The following ROBO1 variants were observed in gnomAD, a reference collection of about 807,000 sequenced individuals.
The protein encoded by ROBO1 is roundabout homolog 1.
Under a neutral mutation model 195.9 loss-of-function variants are expected in ROBO1, and 149 were observed. The ratio of observed to expected loss-of-function variants is 0.76; its 90% CI spans 0.67 to 0.87. ROBO1 has a LOEUF of 0.87. ROBO1 is among the 40% of genes least tolerant of loss of function. The pLI, the probability that ROBO1 is intolerant of heterozygous loss-of-function variation, is 0.00. For synonymous variants in ROBO1, 816 were observed against 733.2 expected, an observed-to-expected ratio of 1.11 and a Z score of -1.82; for missense variants, 1,933 against 2,068.3, an observed-to-expected ratio of 0.93 and a Z score of 1.27.
intron 2 of ROBO1, among the ~76,000 whole-genome samples, chr3:79,260,106 A>AC (rs1368822122): frequency 4.7e-5 from 7 of 150,334 alleles, no homozygotes; most frequent in African/African-American, 1.5e-4. Context: ...ACACACACAC[A>AC]AATATATATA....
chr3:78,940,681 C>A (rs550987693), intron 3 of ROBO1, among the ~76,000 whole-genome samples: 1 of 152,140 alleles, frequency 6.6e-6, no homozygotes, highest in Admixed American at 6.6e-5. Flanking sequence ...TTTTATAAAC[C>A]GAAATAGCAC....
chr3:79,332,421 T>C (rs2034485884), intron 2 of ROBO1, among the ~76,000 whole-genome samples: 1 of 152,196 alleles, frequency 6.6e-6, no homozygotes, highest in South Asian at 2.1e-4. Flanking sequence ...TGTTGAACAT[T>C]CATTGCTTGC....
chr3:79,730,637 T>G (rs565693356), intron 1 of ROBO1, among the ~76,000 whole-genome samples: 3 of 152,240 alleles, frequency 2.0e-5, no homozygotes, highest in African/African-American at 7.2e-5. Flanking sequence ...TTCATTTCAT[T>G]AGACTTAATA....
intron 2 of ROBO1, among the ~76,000 whole-genome samples, chr3:79,421,489 G>A (rs997980247): frequency 6.6e-6 from 1 of 152,090 alleles, no homozygotes; most frequent in Non-Finnish European, 1.5e-5. Flanking sequence ...GTGAGAGGCC[G>A]TGTGGGGAAG....
chr3:78,727,906 A>G (rs957695463), intron 5 of ROBO1, among the ~76,000 whole-genome samples: 4 of 152,012 alleles, frequency 2.6e-5, no homozygotes, highest in African/African-American at 9.7e-5. Flanking sequence ...ATAAACATGT[A>G]TATTTTATAT....
chr3:79,252,580 C>T (rs1040034946), intron 2 of ROBO1, among the ~76,000 whole-genome samples: 13 of 152,118 alleles, frequency 8.5e-5, no homozygotes, highest in Admixed American at 5.9e-4. Flanking sequence ...GTTAAAGCCA[C>T]CCAGTTTGTG....
At chr3:79,693,018 T>A (rs1947339309) in intron 1 of ROBO1, among the ~76,000 whole-genome samples, 1 of 151,800 alleles carries the variant, frequency 6.6e-6, no homozygotes, top group Non-Finnish European at 1.5e-5. Context: ...TAAGGTCAGG[T>A]GCATGTTGGT....
chr3:78,766,936 GTT>G (rs1247787460), intron 4 of ROBO1, among the ~76,000 whole-genome samples: 2 of 152,136 alleles, frequency 1.3e-5, no homozygotes, highest in Admixed American at 1.3e-4. Flanking sequence ...GCTTGCATAT[GTT>G]AAGCCATCCC....
At chr3:79,731,849 A>C (rs2107358552) in intron 1 of ROBO1, among the ~76,000 whole-genome samples, 1 of 152,268 alleles carries the variant, frequency 6.6e-6, no homozygotes, top group Admixed American at 6.5e-5. Context: ...TTGGGAAGTA[A>C]GTTTGTAGGT....
intron 2 of ROBO1, among the ~76,000 whole-genome samples, chr3:79,395,257 G>C (rs982987686): frequency 2.8e-4 from 41 of 147,148 alleles, no homozygotes; most frequent in African/African-American, 9.9e-4. Flanking sequence ...GGGAGGCAGA[G>C]CTTGCAGTGA....
At chr3:79,670,043 T>C (rs1273409900) in intron 1 of ROBO1, among the ~76,000 whole-genome samples, 1 of 151,876 alleles carries the variant, frequency 6.6e-6, no homozygotes, top group Admixed American at 6.6e-5. Context: ...AACTCGTCAA[T>C]ATTTGAACAA....
At chr3:79,033,939 C>T (rs2078338956) in intron 3 of ROBO1, among the ~76,000 whole-genome samples, 2 of 152,074 alleles carry the variant, frequency 1.3e-5, no homozygotes, top group Non-Finnish European at 2.9e-5. Flanking sequence ...GTGTCTATTA[C>T]AAATCAGGAG....
chr3:79,356,919 T>C (rs553886437), intron 2 of ROBO1, among the ~76,000 whole-genome samples: 1 of 152,284 alleles, frequency 6.6e-6, no homozygotes, highest in East Asian at 1.9e-4. Flanking sequence ...ATTTAGTATT[T>C]GAAATAATGT....
At chr3:78,992,427 G>A (rs1323558354) in intron 3 of ROBO1, among the ~76,000 whole-genome samples, 1 of 152,122 alleles carries the variant, frequency 6.6e-6, no homozygotes, top group Non-Finnish European at 1.5e-5. Flanking sequence ...GTGAAAGAAG[G>A]ATCCCTAGTC....
chr3:78,912,519 C>T (rs978609183), intron 4 of ROBO1, among the ~76,000 whole-genome samples: 4 of 152,066 alleles, frequency 2.6e-5, no homozygotes, highest in African/African-American at 4.8e-5. Flanking sequence ...ATTAAATATT[C>T]GTAATGGATT....
chr3:79,714,543 T>C (rs1032217860), intron 1 of ROBO1, among the ~76,000 whole-genome samples: 3 of 151,928 alleles, frequency 2.0e-5, no homozygotes, highest in Non-Finnish European at 2.9e-5. Flanking sequence ...TAAAGACACA[T>C]GCACATGTAT....
intron 2 of ROBO1, among the ~76,000 whole-genome samples, chr3:79,393,980 A>T (rs2037047657): frequency 6.6e-6 from 1 of 151,982 alleles, no homozygotes; most frequent in Non-Finnish European, 1.5e-5. Flanking sequence ...AGAGTGTTGC[A>T]GGGGAAAGAA....
chr3:79,124,692 T>G (rs2080182398), intron 3 of ROBO1, among the ~76,000 whole-genome samples: 1 of 152,174 alleles, frequency 6.6e-6, no homozygotes, highest in Admixed American at 6.5e-5. Context: ...ACAAGACCAC[T>G]GTTACAACAT....
At chr3:78,716,176 C>A (rs1456951222) in intron 7 of ROBO1, among the ~76,000 whole-genome samples, 3 of 152,194 alleles carry the variant, frequency 2.0e-5, no homozygotes, top group Non-Finnish European at 2.9e-5. Context: ...AATTCAAATT[C>A]CCCCCTCTGA....
Sources: gnomAD v4.1 joint callset for allele counts (sites outside exome capture counted in the v4.1 genomes callset) on GRCh38, gnomAD v4.1.1 for gene constraint, MANE v1.5 for transcripts, NCBI Gene and HGNC (gene_info 2026-07-23, HGNC 2026-07-21) for gene names.